KCNIP4: variants seen among roughly 807,000 people sequenced by gnomAD.
KCNIP4 encodes potassium voltage-gated channel interacting protein 4.
KCNIP4 carries 12 observed loss-of-function variants against 34.0 expected under a neutral mutation model. That is an observed-to-expected ratio of 0.35 (90% CI 0.23 to 0.57). The LOEUF is 0.57. Among genes scored for constraint, KCNIP4 ranks in the 20% least tolerant of loss-of-function variants. The pLI, the probability that KCNIP4 is intolerant of heterozygous loss-of-function variation, is 0.83. For synonymous variants in KCNIP4, 124 were observed against 102.2 expected (o/e 1.21, Z -1.29); for missense variants, 238 against 311.7 (o/e 0.76, Z 1.78).
At chr4:21,693,031 G>A (rs1162514752) in intron 1 of KCNIP4, among the ~76,000 whole-genome samples, 4 of 151,982 alleles carry the variant, frequency 2.6e-5, no homozygotes, top group Non-Finnish European at 5.9e-5. Flanking sequence ...GGAGAAAGAA[G>A]AGAACAGAAA....
intron 3 of KCNIP4, among the ~76,000 whole-genome samples, chr4:20,788,605 A>T (rs1436352032): frequency 6.6e-6 from 1 of 152,172 alleles, no homozygotes; most frequent in Non-Finnish European, 1.5e-5. Flanking sequence ...AAAATAATAA[A>T]TGGTTATAAA....
At chr4:20,820,646 A>C (rs1716989964) in intron 3 of KCNIP4, among the ~76,000 whole-genome samples, 1 of 152,292 alleles carries the variant, frequency 6.6e-6, no homozygotes, top group South Asian at 2.1e-4. Flanking sequence ...AGACAATGGA[A>C]GAATGACCCT....
chr4:20,832,298 C>G lies in KCNIP4; in HGVS notation c.288+18245G>C, dbSNP rs4342187. Among the ~76,000 whole-genome samples, 507 of 152,000 alleles carry G rather than the reference C, an allele frequency of 3.3e-3. 3 individuals carry two copies. Among genetic ancestry groups the G allele is most frequent in the African/African-American group, 0.012 (483 of 41,462 alleles). ...TAAAGACTAAATAACTAGATAATTG[C>G]CTAGAGTTGAAGTGGTGTATTCAGG... is the stretch of plus-strand genomic sequence containing the variant. On this transcript the variant is annotated intron_variant, in intron 3 of 8. Transcript: ENST00000382152.
At chr4:21,572,444 A>G (rs1474827879) in intron 1 of KCNIP4, among the ~76,000 whole-genome samples, 6 of 152,150 alleles carry the variant, frequency 3.9e-5, no homozygotes, top group Non-Finnish European at 8.8e-5. Flanking sequence ...AAAGGATATC[A>G]TGTAGATAAG....
At chr4:20,997,216 C>A (rs1737636134) in intron 1 of KCNIP4, among the ~76,000 whole-genome samples, 1 of 152,082 alleles carries the variant, frequency 6.6e-6, no homozygotes, top group Admixed American at 6.5e-5. Context: ...CAACCACAAC[C>A]ATGAAAGAAA....
chr4:20,953,018 A>T (rs757319901), intron 1 of KCNIP4, among the ~76,000 whole-genome samples: 2 of 152,204 alleles, frequency 1.3e-5, no homozygotes, highest in Non-Finnish European at 2.9e-5. Context: ...CTCATGACTT[A>T]GTCACTTCCC....
rs1195998336 is a variant in KCNIP4, at chr4:20,729,190, T to TTAATGCTGTTAGG, written c.*879_*891dup. 1 of 151,910 alleles carries TTAATGCTGTTAGG rather than the reference T, an allele frequency of 6.6e-6. No homozygotes were observed. The highest frequency in any genetic ancestry group is 1.5e-5 in the Non-Finnish European group (1 of 68,018). 9.4% of individuals were successfully genotyped at this position (151,910 alleles called of 1,614,324 possible). A position where few individuals can be genotyped will look rare whatever the true frequency, so the allele number is the denominator to read the frequency against. ...AGGGGAAAGAGGACAGATTTGGCCT[T>TTAATGCTGTTAGG]TAATGCTGTTAGGATTACTTGTTAT... is the stretch of plus-strand genomic sequence containing the variant. On this transcript the variant is annotated 3_prime_UTR_variant, in exon 9 of 9. Transcript: ENST00000382152.
intron 1 of KCNIP4, among the ~76,000 whole-genome samples, chr4:21,242,922 CT>C (rs1759957128): frequency 1.4e-5 from 2 of 146,266 alleles, no homozygotes; most frequent in East Asian, 4.1e-4. Flanking sequence ...GTGTGTATTG[CT>C]TTTTTCCTCT....
intron 1 of KCNIP4, among the ~76,000 whole-genome samples, chr4:21,086,650 T>C (rs184280488): frequency 6.6e-6 from 1 of 152,282 alleles, no homozygotes; most frequent in Non-Finnish European, 1.5e-5. Context: ...CTTGTATTCT[T>C]TCCCTCTGTC....
chr4:20,773,974 G>T (rs1210234555), intron 3 of KCNIP4, among the ~76,000 whole-genome samples: 1 of 152,200 alleles, frequency 6.6e-6, no homozygotes, highest in African/African-American at 2.4e-5. Context: ...TTCTGAAATT[G>T]TTAAGTGTAT....
rs11726974 is a variant in KCNIP4, at chr4:21,305,844, T to A, written c.62-423135A>T. 3.3e-5 allele frequency among the ~76,000 whole-genome samples: 5 copies of A among 152,180 alleles called. No homozygotes were observed. The Middle Eastern group carries it at 0.014, about 414-fold the overall frequency. On this transcript the variant is annotated intron_variant, in intron 1 of 8. Coordinates refer to ENST00000382152, the MANE Select transcript of KCNIP4 (RefSeq NM_025221.6). Reference sequence around the variant, plus strand: ...GCTCTTAAAACTCTTTCATGGAAACTTCAACCAGAATTGGATCAAATCTCT... The same window carrying A: ...GCTCTTAAAACTCTTTCATGGAAACATCAACCAGAATTGGATCAAATCTCT...
chr4:20,858,211 CAAAAAAAAAAAAA>C (rs778798968), intron 2 of KCNIP4, among the ~76,000 whole-genome samples: 64 of 70,734 alleles, frequency 9.0e-4, no homozygotes, highest in African/African-American at 1.9e-3. Flanking sequence ...AACTCCATCT[CAAAAAAAAAAAAA>C]AAAAAAAAAA....
intron 3 of KCNIP4, among the ~76,000 whole-genome samples, chr4:20,773,056 A>AAC (rs1362303251): frequency 1.3e-5 from 2 of 151,642 alleles, no homozygotes; most frequent in Non-Finnish European, 2.9e-5. Flanking sequence ...AGAAAAAAAA[A>AAC]AAAAGTTTAG....
chr4:20,786,949 A>T (rs1712083006), intron 3 of KCNIP4, among the ~76,000 whole-genome samples: 1 of 152,166 alleles, frequency 6.6e-6, no homozygotes, highest in South Asian at 2.1e-4. Flanking sequence ...GCCAGACAGG[A>T]TGACTGGAAA....
chr4:21,464,134 A>T (rs13111212), intron 1 of KCNIP4, among the ~76,000 whole-genome samples: 17,795 of 151,700 alleles, frequency 0.12, 1,237 homozygotes, highest in South Asian at 0.16. Context: ...AATTTTGTCA[A>T]TTTTAATTTT....
chr4:21,392,227 A>G (rs538472999), intron 1 of KCNIP4, among the ~76,000 whole-genome samples: 1 of 152,266 alleles, frequency 6.6e-6, no homozygotes, highest in South Asian at 2.1e-4. Context: ...TGCAACCCAA[A>G]TGGGAAGGTG....
intron 1 of KCNIP4, among the ~76,000 whole-genome samples, chr4:21,897,712 A>G (rs903619660): frequency 2.6e-5 from 4 of 152,204 alleles, no homozygotes; most frequent in African/African-American, 7.2e-5. Context: ...AAGACGATCA[A>G]CTAGAAGCCT....
At position 20,732,033 on chromosome 4, in the gene KCNIP4, T is replaced by C. The variant is rs961275464; in HGVS notation, c.678A>G (p.Ile226Met). Residue 226 changes from isoleucine (I) to methionine (M), a missense_variant, in exon 8 of 9, where the codon ATA becomes ATG. Physicochemically the swap from Ile to Met is conservative, Grantham distance 10. Transcript: ENST00000382152. ...TTTGGCAGCTTTCAATGAACTCATCTATGGTAACAACCCCATCTTTATTTT... is the reference window on the plus strand; with the variant it reads ...TTTGGCAGCTTTCAATGAACTCATCCATGGTAACAACCCCATCTTTATTTT... ...MDKNKDGVVT[I>M]DEFIESCQKD... 1.1e-5 allele frequency: 17 copies of C among 1,613,410 alleles called. No homozygotes were observed. Among genetic ancestry groups the C allele is most frequent in the Admixed American group, 1.7e-5 (1 of 59,938 alleles).
At chr4:21,104,970 A>C (rs1221066392) in intron 1 of KCNIP4, among the ~76,000 whole-genome samples, 3 of 151,608 alleles carry the variant, frequency 2.0e-5, no homozygotes, top group Admixed American at 1.3e-4. Context: ...GTTTTGGTAC[A>C]AGTACCATGC....
Sources: allele counts gnomAD v4.1 joint callset (sites outside exome capture counted in the v4.1 genomes callset), GRCh38; gene constraint gnomAD v4.1.1; transcripts MANE v1.5; gene names NCBI Gene and HGNC (gene_info 2026-07-23, HGNC 2026-07-21).